ACER1: variants seen among roughly 807,000 people sequenced by gnomAD.
ACER1 encodes the protein alkaline ceramidase 1.
ACER1 carries 28 observed loss-of-function variants against 24.9 expected under a neutral mutation model. The observed-to-expected ratio is 1.13, with a 90% CI of 0.83 to 1.54. The LOEUF is 1.54. ACER1 is among the 40% of genes most tolerant of loss of function. ACER1 has a pLI of 0.00. For synonymous variants in ACER1, 132 were observed against 131.4 expected (o/e 1.00, Z -0.03); for missense variants, 352 against 349.3 (o/e 1.01, Z -0.06).
the ACER1 span, among the ~76,000 whole-genome samples, chr19:6,344,271 A>AAT: frequency 4.0e-5 from 6 of 151,406 alleles, no homozygotes; most frequent in African/African-American, 1.2e-4. Flanking sequence ...TCCGTCTAAA[A>AAT]ATATATATAT....
chr19:6,353,004 G>T, the ACER1 span, among the ~76,000 whole-genome samples: 1 of 152,118 alleles, frequency 6.6e-6, no homozygotes, highest in South Asian at 2.1e-4. Context: ...TACTGAGCAA[G>T]GTTTGGAGGA....
the ACER1 span, among the ~76,000 whole-genome samples, chr19:6,343,113 G>A: frequency 2.0e-5 from 3 of 152,134 alleles, no homozygotes; most frequent in Non-Finnish European, 4.4e-5. Context: ...TCCGAGTACT[G>A]GTGAGGATGG....
chr19:6,310,145 C>T (rs989038959), intron 3 of ACER1, among the ~76,000 whole-genome samples: 53 of 151,932 alleles, frequency 3.5e-4, no homozygotes, highest in Middle Eastern at 3.4e-3. Context: ...TGGAGTGCAG[C>T]AGTGCGATCT....
the ACER1 span, among the ~76,000 whole-genome samples, chr19:6,348,843 A>G: frequency 2.6e-5 from 4 of 151,618 alleles, no homozygotes; most frequent in African/African-American, 9.7e-5. Flanking sequence ...GGATCATGAG[A>G]TCAGGAGTTT....
intron 4 of ACER1, among the ~76,000 whole-genome samples, chr19:6,308,203 G>A (rs1041080828): frequency 3.3e-5 from 5 of 152,172 alleles, no homozygotes; most frequent in Admixed American, 2.0e-4. Flanking sequence ...GGGAGGCCGA[G>A]GCGGGCAGAT....
the ACER1 span, among the ~76,000 whole-genome samples, chr19:6,341,399 C>A: frequency 2.7e-5 from 4 of 150,728 alleles, no homozygotes; most frequent in African/African-American, 9.7e-5. Context: ...GGGGTACACA[C>A]GTGTGGTCTT....
At chr19:6,318,986 C>A (rs994639302) in intron 1 of ACER1, among the ~76,000 whole-genome samples, 1 of 151,628 alleles carries the variant, frequency 6.6e-6, no homozygotes, top group African/African-American at 2.4e-5. Context: ...AAGCAGGACA[C>A]ATCATCAATG....
At chr19:6,349,229 C>T in the ACER1 span, among the ~76,000 whole-genome samples, 5,137 of 151,492 alleles carry the variant, frequency 0.034, 298 homozygotes, top group African/African-American at 0.12. Context: ...GTAATCCCAG[C>T]GCTTTGAGAA....
chr19:6,335,115 ATAT>A (rs1390361668), upstream of ACER1, among the ~76,000 whole-genome samples: 1 of 146,966 alleles, frequency 6.8e-6, no homozygotes, highest in South Asian at 2.1e-4. Flanking sequence ...ATATTTTAGT[ATAT>A]TATTTTAATG....
At chr19:6,340,287 AGAAAGAAGGAAGGAAGGAAGGAAG>A in the ACER1 span, among the ~76,000 whole-genome samples, 5 of 130,552 alleles carry the variant, frequency 3.8e-5, no homozygotes, top group East Asian at 2.3e-4. Flanking sequence ...CTCCAAAAAA[AGAAAGAAGGAAGGAAGGAAGGAAG>A]GAAGGAAGGA....
upstream of ACER1, among the ~76,000 whole-genome samples, chr19:6,335,112 A>G (rs911579885): frequency 8.2e-5 from 12 of 146,212 alleles, no homozygotes; most frequent in African/African-American, 2.5e-4. Flanking sequence ...TAAATATTTT[A>G]GTATATTATT....
chr19:6,313,941 C>T (rs1239623817), intron 1 of ACER1, among the ~76,000 whole-genome samples: 1 of 152,078 alleles, frequency 6.6e-6, no homozygotes, highest in African/African-American at 2.4e-5. Context: ...CAATTCTTCC[C>T]TATACAGTCA....
chr19:6,341,947 G>A, the ACER1 span, among the ~76,000 whole-genome samples: 1 of 152,050 alleles, frequency 6.6e-6, no homozygotes, highest in Non-Finnish European at 1.5e-5. Flanking sequence ...TTTAATACTT[G>A]CTTTCTATTT....
the ACER1 span, among the ~76,000 whole-genome samples, chr19:6,349,379 G>C: frequency 6.8e-6 from 1 of 146,112 alleles, no homozygotes. Flanking sequence ...GAAGGAGGGA[G>C]GGAAGGAAGG....
chr19:6,347,131 T>TATATATATATATAA, the ACER1 span, among the ~76,000 whole-genome samples: 22 of 134,528 alleles, frequency 1.6e-4, no homozygotes, highest in East Asian at 4.6e-4. Context: ...TATATATATA[T>TATATATATATATAA]AAAATAATAA....
chr19:6,328,611 G>T (rs560219296), intron 1 of ACER1, among the ~76,000 whole-genome samples: 49 of 151,560 alleles, frequency 3.2e-4, no homozygotes, highest in Admixed American at 1.2e-3. Flanking sequence ...TTTGGGAAGT[G>T]AAGGCACAAG....
chr19:6,331,580 G>A (rs2091687399), intron 1 of ACER1, among the ~76,000 whole-genome samples: 2 of 151,744 alleles, frequency 1.3e-5, no homozygotes, highest in Non-Finnish European at 2.9e-5. Flanking sequence ...GATCACCTGA[G>A]GTCGGGAGTT....
chr19:6,355,633 C>A, the ACER1 span, among the ~76,000 whole-genome samples: 5 of 135,436 alleles, frequency 3.7e-5, no homozygotes, highest in African/African-American at 1.5e-4. Flanking sequence ...GGGGGGTCAG[C>A]CCCCCGCCCG....
intron 4 of ACER1, 115 bp from the exon 5 acceptor site, chr19:6,307,405 G>A (rs182136574): frequency 2.8e-4 from 358 of 1,264,706 alleles, no homozygotes; most frequent in Non-Finnish European, 3.8e-4. Context: ...AAGGGAAAGA[G>A]CAGGAATTGA....
Sources: allele counts gnomAD v4.1 joint callset (sites outside exome capture counted in the v4.1 genomes callset), GRCh38; gene constraint gnomAD v4.1.1; transcripts MANE v1.5; gene names NCBI Gene and HGNC (gene_info 2026-07-23, HGNC 2026-07-21).